The following DLG2 variants were observed in gnomAD, a reference collection of about 807,000 sequenced individuals.
DLG2 encodes disks large homolog 2.
Under a neutral mutation model 132.5 loss-of-function variants are expected in DLG2, and 45 were observed. The observed-to-expected ratio is 0.34, with a 90% CI of 0.27 to 0.44. The LOEUF (loss-of-function observed/expected upper bound fraction) is 0.44, where lower values mean the gene tolerates loss of function less well. DLG2 is among the 20% of genes least tolerant of loss of function. The pLI is 1.00. For synonymous variants in DLG2, 424 were observed against 419.6 expected, an observed-to-expected ratio of 1.01 and a Z score of -0.13; for missense variants, 1,045 against 1,196.9, an observed-to-expected ratio of 0.87 and a Z score of 1.87.
chr11:85,488,338 G>A (rs111491572), intron 3 of DLG2, among the ~76,000 whole-genome samples: 4 of 151,632 alleles, frequency 2.6e-5, no homozygotes, highest in East Asian at 1.9e-4. Context: ...GCAGTGAGCC[G>A]AGATCGCACC....
Position 85,334,060 on chromosome 11 carries a change from C to G in DLG2, c.41-48695G>C, listed in dbSNP as rs555700067. 2.6e-5 allele frequency among the ~76,000 whole-genome samples: 4 copies of G among 152,182 alleles called. No individual in the cohort carries two copies. The South Asian group carries it at 8.3e-4, about 32-fold the overall frequency. On this transcript the variant is annotated intron_variant, in intron 3 of 27. Transcript: ENST00000376104. ...AATTCAGCTGTGAATCCATTTCATCCTGGGCTTTTTCTGGTTAGTAGGTAT... is the reference window on the plus strand; with the variant it reads ...AATTCAGCTGTGAATCCATTTCATCGTGGGCTTTTTCTGGTTAGTAGGTAT...
chr11:85,267,988 G>C (rs1439689851), intron 4 of DLG2, among the ~76,000 whole-genome samples: 3 of 152,006 alleles, frequency 2.0e-5, no homozygotes, highest in Non-Finnish European at 4.4e-5. Flanking sequence ...GTTTGCCAAT[G>C]GCAACTGCTC....
intron 6 of DLG2, among the ~76,000 whole-genome samples, chr11:84,541,557 T>C (rs1176795547): frequency 2.6e-5 from 4 of 152,162 alleles, no homozygotes; most frequent in Non-Finnish European, 4.4e-5. Context: ...AAGAACTTTA[T>C]ACTGTAATGA....
intron 19 of DLG2, among the ~76,000 whole-genome samples, chr11:83,617,093 T>C: frequency 6.6e-6 from 1 of 152,322 alleles, no homozygotes; most frequent in Non-Finnish European, 1.5e-5. Context: ...TCTGACTTCA[T>C]TTTTCTGTGT....
intron 6 of DLG2, among the ~76,000 whole-genome samples, chr11:84,568,942 C>T (rs990800342): frequency 6.6e-6 from 1 of 152,170 alleles, no homozygotes; most frequent in East Asian, 1.9e-4. Flanking sequence ...AACGGTATCT[C>T]CCCCTAACTT....
chr11:84,590,820 A>G (rs2099540989), intron 6 of DLG2, among the ~76,000 whole-genome samples: 1 of 152,200 alleles, frequency 6.6e-6, no homozygotes, highest in African/African-American at 2.4e-5. Flanking sequence ...GGATATTGAT[A>G]TACTGATTAA....
intron 6 of DLG2, among the ~76,000 whole-genome samples, chr11:84,970,104 C>T (rs190506897): frequency 2.6e-5 from 4 of 151,996 alleles, no homozygotes; most frequent in Admixed American, 6.5e-5. Flanking sequence ...CACCATGGCA[C>T]GTGTATACCC....
At chr11:85,363,931 G>T (rs899540800) in intron 3 of DLG2, among the ~76,000 whole-genome samples, 1 of 152,108 alleles carries the variant, frequency 6.6e-6, no homozygotes, top group Admixed American at 6.6e-5. Flanking sequence ...AGGATGATTG[G>T]TTCATAGGAT....
chr11:83,911,905 T>G (rs945355957), intron 15 of DLG2, among the ~76,000 whole-genome samples: 2 of 152,212 alleles, frequency 1.3e-5, no homozygotes, highest in Admixed American at 1.3e-4. Context: ...TGTTTCCTTA[T>G]TTTGGTGTTT....
chr11:85,135,336 G>A (rs2076072668), intron 5 of DLG2, among the ~76,000 whole-genome samples: 2 of 152,260 alleles, frequency 1.3e-5, no homozygotes, highest in South Asian at 4.1e-4. Flanking sequence ...CCAAGTCCAG[G>A]TCTTTGTTAG....
At chr11:85,195,199 A>T (rs2080937814) in intron 4 of DLG2, among the ~76,000 whole-genome samples, 1 of 152,202 alleles carries the variant, frequency 6.6e-6, no homozygotes, top group Non-Finnish European at 1.5e-5. Flanking sequence ...AGGCTATTGT[A>T]ATCAGTACGA....
chr11:85,265,216 G>T (rs1274031023), intron 4 of DLG2, among the ~76,000 whole-genome samples: 1 of 152,098 alleles, frequency 6.6e-6, no homozygotes, highest in East Asian at 1.9e-4. Context: ...CTGAATATCT[G>T]CATGACCCCA....
intron 6 of DLG2, among the ~76,000 whole-genome samples, chr11:84,793,893 T>G (rs2074212664): frequency 6.6e-6 from 1 of 152,224 alleles, no homozygotes. Flanking sequence ...TCATTTATCT[T>G]TGATGTTATT....
intron 7 of DLG2, among the ~76,000 whole-genome samples, chr11:84,332,377 A>G (rs980485863): frequency 2.0e-5 from 3 of 151,758 alleles, no homozygotes; most frequent in Non-Finnish European, 4.4e-5. Context: ...ACGCCCGGCT[A>G]ATTTTTGTAC....
chr11:84,064,860 C>G lies in DLG2; in HGVS notation c.750-5376G>C, dbSNP rs114773499. 2.9e-3 allele frequency among the ~76,000 whole-genome samples: 435 copies of G among 152,084 alleles called. 4 individuals carry two copies. Among genetic ancestry groups the G allele is most frequent in the African/African-American group, 0.01 (422 of 41,506 alleles). ...GAGCTTTTACAGCAAGGTACTGGTA[C>G]AAAAACAGACACACAGACCACTGGA... On this transcript the variant is annotated intron_variant, in intron 10 of 27. Transcript: ENST00000376104.
chr11:84,371,820 C>A (rs1285821238), intron 7 of DLG2, among the ~76,000 whole-genome samples: 2 of 152,086 alleles, frequency 1.3e-5, no homozygotes, highest in Non-Finnish European at 2.9e-5. Context: ...AATAATATCT[C>A]CTGCATGGTA....
intron 6 of DLG2, among the ~76,000 whole-genome samples, chr11:84,623,104 C>T (rs1215077577): frequency 2.6e-5 from 4 of 152,114 alleles, no homozygotes; most frequent in African/African-American, 9.7e-5. Flanking sequence ...CCAAACACCA[C>T]CCTTTTGATT....
chr11:84,102,315 A>G (rs868101846), intron 9 of DLG2, among the ~76,000 whole-genome samples: 2 of 151,970 alleles, frequency 1.3e-5, no homozygotes, highest in African/African-American at 2.4e-5. Flanking sequence ...GTTTTTTTGG[A>G]GCCTTGTCTA....
intron 7 of DLG2, among the ~76,000 whole-genome samples, chr11:84,390,094 C>CA (rs1320979818): frequency 6.6e-6 from 1 of 152,104 alleles, no homozygotes; most frequent in Non-Finnish European, 1.5e-5. Flanking sequence ...ATCCCAGTTA[C>CA]AAAGGAATGC....
Sources: allele counts gnomAD v4.1 joint callset (sites outside exome capture counted in the v4.1 genomes callset), GRCh38; gene constraint gnomAD v4.1.1; transcripts MANE v1.5; gene names NCBI Gene and HGNC (gene_info 2026-07-23, HGNC 2026-07-21).